Variants in EBF1 observed in about 807,000 individuals in gnomAD.
The protein encoded by EBF1 is transcription factor COE1.
Under a neutral mutation model 68.4 loss-of-function variants are expected in EBF1, and 10 were observed. That is an observed-to-expected ratio of 0.15 (90% CI 0.09 to 0.25). The LOEUF (loss-of-function observed/expected upper bound fraction) is 0.25, where lower values mean the gene tolerates loss of function less well. Among genes scored for constraint, EBF1 ranks in the 10% least tolerant of loss-of-function variants. The pLI is 1.00. For missense variants in EBF1, 509 were observed against 794.4 expected (o/e 0.64, Z 4.32); for synonymous variants, 298 against 299.8 (o/e 0.99, Z 0.06).
intron 6 of EBF1, chr5:158,987,161 G>A (rs1051727715): frequency 1.3e-5 from 2 of 152,142 alleles, no homozygotes; most frequent in Admixed American, 6.5e-5. Flanking sequence ...TAAAATCCAG[G>A]CTTATGCATA....
intron 6 of EBF1, among the ~76,000 whole-genome samples, chr5:159,029,697 G>A (rs1316626546): frequency 6.6e-6 from 1 of 151,878 alleles, no homozygotes; most frequent in African/African-American, 2.4e-5. Context: ...GCTCATGCCT[G>A]TAATCCTAAC....
chr5:158,917,081 A>G (rs538578738), intron 6 of EBF1, among the ~76,000 whole-genome samples: 22 of 152,214 alleles, frequency 1.4e-4, no homozygotes, highest in Non-Finnish European at 2.6e-4. Flanking sequence ...CTAACTAGCC[A>G]ACTTCAGCCC....
intron 2 of EBF1, 170 bp from the exon 3 acceptor site, chr5:159,096,576 T>C (rs6556385): frequency 0.79 from 544,805 of 692,242 alleles, 215,233 homozygotes; most frequent in East Asian, 0.88. Flanking sequence ...CTCCGCCCCC[T>C]GTTCCTGACT....
chr5:158,930,755 C>A (rs1347674020), intron 6 of EBF1, among the ~76,000 whole-genome samples: 1 of 152,100 alleles, frequency 6.6e-6, no homozygotes, highest in Non-Finnish European at 1.5e-5. Context: ...CTCCATTTTA[C>A]AGATAAGGTA....
At chr5:158,840,669 T>G (rs1582435385) in intron 6 of EBF1, among the ~76,000 whole-genome samples, 11 of 82,706 alleles carry the variant, frequency 1.3e-4, no homozygotes, top group South Asian at 6.4e-4. Flanking sequence ...TTTTTTTTTT[T>G]TTTGTTTTTT....
intron 6 of EBF1, among the ~76,000 whole-genome samples, chr5:158,966,636 C>G (rs1754205436): frequency 6.6e-6 from 1 of 152,166 alleles, no homozygotes; most frequent in South Asian, 2.1e-4. Context: ...AACACATATT[C>G]TTTTTCCTGT....
At chr5:158,815,486 T>A (rs1783533135) in intron 8 of EBF1, among the ~76,000 whole-genome samples, 2 of 152,176 alleles carry the variant, frequency 1.3e-5, no homozygotes, top group Admixed American at 1.3e-4. Flanking sequence ...GGTGCTGGCA[T>A]ATATAGTAAA....
chr5:158,909,956 T>TAAAAAA (rs59274919), intron 6 of EBF1, among the ~76,000 whole-genome samples: 1,277 of 46,640 alleles, frequency 0.027, 198 homozygotes, highest in Middle Eastern at 0.087. Flanking sequence ...ACTCTGTCTA[T>TAAAAAA]AAAAAAAAAA....
At chr5:158,721,628 T>C (rs1292861732) in intron 11 of EBF1, among the ~76,000 whole-genome samples, 1 of 152,198 alleles carries the variant, frequency 6.6e-6, no homozygotes, top group Non-Finnish European at 1.5e-5. Flanking sequence ...CCTCAATTAC[T>C]GTCCCGTAAG....
intron 6 of EBF1, among the ~76,000 whole-genome samples, chr5:159,061,102 T>C (rs1775714566): frequency 6.6e-6 from 1 of 152,016 alleles, no homozygotes; most frequent in Non-Finnish European, 1.5e-5. Context: ...AGATGCAGGG[T>C]GTGCTGGGTA....
At position 158,744,632 on chromosome 5, in the gene EBF1, C is replaced by A. The variant is rs550379552; in HGVS notation, c.1037-13475G>T. Among the ~76,000 whole-genome samples, 57 of 152,230 alleles carry A rather than the reference C, an allele frequency of 3.7e-4. 1 individual carries two copies. In the South Asian group the frequency reaches 0.012, roughly 32 times the overall value. On this transcript the variant is annotated intron_variant, in intron 10 of 15. Coordinates refer to ENST00000313708, the MANE Select transcript of EBF1 (RefSeq NM_024007.5). Reference sequence around the variant, plus strand: ...ATAACTCCCAGTAAAAAGATATGAACCTAAATGAGTAAGTGAGGTTGGCAA... The same window carrying A: ...ATAACTCCCAGTAAAAAGATATGAAACTAAATGAGTAAGTGAGGTTGGCAA...
intron 8 of EBF1, among the ~76,000 whole-genome samples, chr5:158,813,232 T>C (rs1783045200): frequency 6.6e-6 from 1 of 152,226 alleles, no homozygotes; most frequent in South Asian, 2.1e-4. Flanking sequence ...ATTTTGAAGT[T>C]GGAGTTATTG....
At chr5:158,828,464 A>G (rs1786710081) in intron 7 of EBF1, among the ~76,000 whole-genome samples, 1 of 152,230 alleles carries the variant, frequency 6.6e-6, no homozygotes, top group South Asian at 2.1e-4. Flanking sequence ...AAAGGACAAG[A>G]TGAGGGATCC....
At chr5:158,969,918 A>AAAGAAAGAAAGAAAGAAAGAAAG (rs1755235413) in intron 6 of EBF1, among the ~76,000 whole-genome samples, 15 of 53,150 alleles carry the variant, frequency 2.8e-4, no homozygotes, top group Admixed American at 1.1e-3. Flanking sequence ...GAAAGAAAGA[A>AAAGAAAGAAAGAAAGAAAGAAAG]AAAAAAAAAA....
intron 6 of EBF1, among the ~76,000 whole-genome samples, chr5:158,929,489 T>C (rs1810389177): frequency 6.6e-6 from 1 of 152,214 alleles, no homozygotes; most frequent in African/African-American, 2.4e-5. Flanking sequence ...AACTATATTT[T>C]TAAAAAGTCT....
chr5:158,821,177 C>A (rs964693657), intron 8 of EBF1, among the ~76,000 whole-genome samples: 1 of 152,138 alleles, frequency 6.6e-6, no homozygotes, highest in African/African-American at 2.4e-5. Flanking sequence ...CAGATCATCA[C>A]CTTCATTTTA....
intron 10 of EBF1, among the ~76,000 whole-genome samples, chr5:158,772,481 C>T (rs1774064503): frequency 6.6e-6 from 1 of 152,174 alleles, no homozygotes; most frequent in Non-Finnish European, 1.5e-5. Flanking sequence ...AAAAAGTTAA[C>T]ACCAGAGAAC....
At chr5:159,060,211 C>T (rs906189088) in intron 6 of EBF1, among the ~76,000 whole-genome samples, 5 of 152,046 alleles carry the variant, frequency 3.3e-5, no homozygotes, top group African/African-American at 1.2e-4. Context: ...TAATTAAAAA[C>T]ATATATACCA....
intron 8 of EBF1, among the ~76,000 whole-genome samples, chr5:158,819,659 C>T (rs1167258773): frequency 6.6e-6 from 1 of 152,192 alleles, no homozygotes; most frequent in Non-Finnish European, 1.5e-5. Flanking sequence ...AGCCACTCAG[C>T]TCCTTTCATC....
Sources: allele counts gnomAD v4.1 joint callset (sites outside exome capture counted in the v4.1 genomes callset), GRCh38; gene constraint gnomAD v4.1.1; transcripts MANE v1.5; gene names NCBI Gene and HGNC (gene_info 2026-07-23, HGNC 2026-07-21).